The following ABLIM1 variants were observed in gnomAD, a reference collection of about 807,000 sequenced individuals.
ABLIM1 encodes actin binding LIM protein 1.
A neutral mutation model predicts 107.0 loss-of-function variants in ABLIM1; 40 were observed. That is an observed-to-expected ratio of 0.37 (90% CI 0.29 to 0.49). ABLIM1 has a LOEUF of 0.49. Among genes scored for constraint, ABLIM1 ranks in the 20% least tolerant of loss-of-function variants. The pLI is 0.97. For synonymous variants in ABLIM1, 357 were observed against 357.3 expected (o/e 1.00, Z 0.01); for missense variants, 857 against 1,008.5 (o/e 0.85, Z 2.04).
intron 6 of ABLIM1, among the ~76,000 whole-genome samples, chr10:114,510,843 G>A (rs980242404): frequency 6.6e-6 from 1 of 151,694 alleles, no homozygotes; most frequent in Non-Finnish European, 1.5e-5. Context: ...TTAGAGATGG[G>A]GTTTCACCAT....
At chr10:114,497,178 G>T (rs541152677) in intron 6 of ABLIM1, among the ~76,000 whole-genome samples, 1 of 152,346 alleles carries the variant, frequency 6.6e-6, no homozygotes, top group East Asian at 1.9e-4. Flanking sequence ...GGATGCTGTT[G>T]ACTATAAACT....
chr10:114,458,064 T>C (rs1375208364), intron 12 of ABLIM1, among the ~76,000 whole-genome samples: 2 of 151,934 alleles, frequency 1.3e-5, no homozygotes, highest in Non-Finnish European at 2.9e-5. Context: ...CAAAGTGAGA[T>C]TCTGCCTCAA....
intron 22 of ABLIM1, among the ~76,000 whole-genome samples, chr10:114,437,324 T>TC (rs1554987562): frequency 6.7e-6 from 1 of 149,416 alleles, no homozygotes; most frequent in African/African-American, 2.5e-5. Context: ...TTTCTTTCTT[T>TC]TTTTTTTTTT....
chr10:114,439,092 T>G (rs1036603041), intron 21 of ABLIM1, 84 bp downstream of exon 21: 1 of 1,528,646 alleles, frequency 6.5e-7, no homozygotes, highest in African/African-American at 1.4e-5. Flanking sequence ...TACAACACTT[T>G]GAGAATGATG....
At chr10:114,529,676 C>T (rs1322998869) in intron 6 of ABLIM1, among the ~76,000 whole-genome samples, 1 of 152,154 alleles carries the variant, frequency 6.6e-6, no homozygotes, top group Non-Finnish European at 1.5e-5. Flanking sequence ...TTCCCATTGG[C>T]ATGCCTCCTG....
chr10:114,658,745 C>T (rs556591743), upstream of ABLIM1, among the ~76,000 whole-genome samples: 83 of 152,306 alleles, frequency 5.4e-4, 2 homozygotes, highest in South Asian at 0.016. Flanking sequence ...CCATAGTAAA[C>T]GATCATTTCC....
chr10:114,697,919 T>C (rs1381502081), intron 1 of ABLIM1, among the ~76,000 whole-genome samples: 3 of 152,194 alleles, frequency 2.0e-5, no homozygotes, highest in Non-Finnish European at 4.4e-5. Context: ...TTGAATATAC[T>C]GAAGATTACA....
At chr10:114,757,644 C>T (rs961223303) in intron 1 of ABLIM1, among the ~76,000 whole-genome samples, 1 of 152,202 alleles carries the variant, frequency 6.6e-6, no homozygotes, top group Non-Finnish European at 1.5e-5. Flanking sequence ...TGCTCTCCTC[C>T]CATTTGGTCC....
intron 1 of ABLIM1, among the ~76,000 whole-genome samples, chr10:114,720,805 A>C (rs2081826406): frequency 6.6e-6 from 1 of 152,196 alleles, no homozygotes; most frequent in Non-Finnish European, 1.5e-5. Context: ...ATGAACCACC[A>C]AACACGGTCC....
chr10:114,664,377 G>T (rs185554861), intron 1 of ABLIM1, among the ~76,000 whole-genome samples: 1 of 152,190 alleles, frequency 6.6e-6, no homozygotes, highest in Admixed American at 6.5e-5. Context: ...GAAACCAGGC[G>T]TGGGTGTGCC....
chr10:114,575,278 AG>A, intron 3 of ABLIM1, 137 bp downstream of exon 3: 3 of 918,248 alleles, frequency 3.3e-6, no homozygotes, highest in Non-Finnish European at 4.9e-6. Context: ...TAGGACTGAT[AG>A]TACAGTAAGA....
At chr10:114,632,439 T>C (rs1237103268) in intron 1 of ABLIM1, 18 of 985,320 alleles carry the variant, frequency 1.8e-5, no homozygotes, top group Non-Finnish European at 2.2e-5. Flanking sequence ...CGCTTTCAAT[T>C]TTTACTACGG....
intron 1 of ABLIM1, among the ~76,000 whole-genome samples, chr10:114,651,185 C>T (rs773950394): frequency 6.6e-6 from 1 of 152,140 alleles, no homozygotes; most frequent in Admixed American, 6.6e-5. Context: ...TTGATTTCTG[C>T]GAACATTCAC....
chr10:114,574,587 C>T (rs10885585), intron 3 of ABLIM1, among the ~76,000 whole-genome samples: 58,854 of 151,886 alleles, frequency 0.39, 13,079 homozygotes, highest in Non-Finnish European at 0.51. Flanking sequence ...TTACAGGCAC[C>T]TGCCACCTCG....
intron 1 of ABLIM1, among the ~76,000 whole-genome samples, chr10:114,734,453 A>G (rs2082138197): frequency 6.6e-6 from 1 of 152,002 alleles, no homozygotes; most frequent in Admixed American, 6.6e-5. Flanking sequence ...ATTCTAGCCA[A>G]ATTGGTTTCC....
At chr10:114,606,782 G>A (rs2140123066) in intron 1 of ABLIM1, among the ~76,000 whole-genome samples, 1 of 152,306 alleles carries the variant, frequency 6.6e-6, no homozygotes, top group East Asian at 1.9e-4. Context: ...CTTAGAAATA[G>A]ACAAACTGAG....
At chr10:114,485,516 T>C (rs2058064967) in intron 8 of ABLIM1, 1 of 749,224 alleles carries the variant, frequency 1.3e-6, no homozygotes, top group South Asian at 2.1e-5. Flanking sequence ...AGTGGGATTC[T>C]TTCATTGATG....
intron 4 of ABLIM1, among the ~76,000 whole-genome samples, chr10:114,563,952 A>G (rs1015769657): frequency 1.5e-4 from 22 of 144,534 alleles, no homozygotes; most frequent in Admixed American, 5.0e-4. Flanking sequence ...CTAGATCTTT[A>G]TAAACATGAG....
chr10:114,492,607 G>C (rs138638508), intron 6 of ABLIM1, among the ~76,000 whole-genome samples: 1 of 152,296 alleles, frequency 6.6e-6, no homozygotes, highest in South Asian at 2.1e-4. Flanking sequence ...AATCACATTA[G>C]AGTCATGCTC....
Sources: allele counts gnomAD v4.1 joint callset (sites outside exome capture counted in the v4.1 genomes callset), GRCh38; gene constraint gnomAD v4.1.1; transcripts MANE v1.5; gene names NCBI Gene and HGNC (gene_info 2026-07-23, HGNC 2026-07-21).